DTWD1: variants seen among roughly 807,000 people sequenced by gnomAD.
DTWD1 encodes tRNA-uridine aminocarboxypropyltransferase 1.
Under a neutral mutation model 30.2 loss-of-function variants are expected in DTWD1, and 27 were observed. The observed-to-expected ratio is 0.90, with a 90% CI of 0.66 to 1.23. DTWD1 has a LOEUF of 1.23. Ranked by LOEUF, DTWD1 falls within the 50% of genes most tolerant of loss-of-function variation. DTWD1 has a pLI of 0.00. For synonymous variants in DTWD1, 99 were observed against 113.1 expected, an observed-to-expected ratio of 0.88 and a Z score of 0.79; for missense variants, 342 against 348.8, an observed-to-expected ratio of 0.98 and a Z score of 0.15.
Position 49,643,741 on chromosome 15 carries a change from T to C in DTWD1, c.*163T>C. ...TTCATATTTCTTGAAGGAAATTGTA[T>C]CTGGGGGAATTTTTCAGAGATACTG... is the stretch of plus-strand genomic sequence containing the variant. On this transcript the variant is annotated 3_prime_UTR_variant, in exon 5 of 5. Transcript: ENST00000403028. 1.4e-6 allele frequency: 1 copy of C among 734,546 alleles called. No homozygotes were observed. The highest frequency in any genetic ancestry group is 1.9e-6 in the Non-Finnish European group (1 of 514,430). The allele number at this position is 734,546 out of a possible 1,614,324, so 45.5% of individuals were successfully genotyped here.
At chr15:49,639,504 G>A (rs2079041043) in intron 4 of DTWD1, among the ~76,000 whole-genome samples, 2 of 152,152 alleles carry the variant, frequency 1.3e-5, no homozygotes, top group Admixed American at 6.5e-5. Context: ...CAAGGATGCG[G>A]TGAGCTATGC....
chr15:49,632,368 T>C (rs1464219139), intron 3 of DTWD1, 66 bp downstream of exon 3: 12 of 1,419,256 alleles, frequency 8.5e-6, no homozygotes, highest in African/African-American at 1.5e-5. Context: ...CTCCATTGCC[T>C]TTCTGAACTT....
At chr15:49,633,043 C>A (rs868590464) in intron 3 of DTWD1, among the ~76,000 whole-genome samples, 196 of 129,442 alleles carry the variant, frequency 1.5e-3, no homozygotes, top group Non-Finnish European at 2.6e-3. Flanking sequence ...CTATTTATAT[C>A]TATATCTATA....
At position 49,634,542 on chromosome 15, in the gene DTWD1, C is replaced by T; in HGVS notation, c.415C>T (p.Leu139Phe). 1.2e-6 allele frequency: 2 copies of T among 1,607,292 alleles called. No homozygotes were observed. Among genetic ancestry groups the T allele is most frequent in the South Asian group, 1.1e-5 (1 of 89,700 alleles). ...EYEEKDHEVA[L>F]IFPGPQSISI... ...CCAATTTTCTTTGTTTTAGGTTGCA[C>T]TCATTTTTCCTGGACCTCAGTCTAT... Residue 139 changes from leucine (L) to phenylalanine (F), a missense_variant, in exon 4 of 5, where the codon CTC becomes TTC. Physicochemically the swap from Leu to Phe is conservative, Grantham distance 22 (BLOSUM62 0). Transcript: ENST00000403028.
chr15:49,635,353 GAAT>G (rs1019272863), intron 4 of DTWD1, among the ~76,000 whole-genome samples: 11 of 151,980 alleles, frequency 7.2e-5, no homozygotes, highest in African/African-American at 2.7e-4. Context: ...CATTTTCTAA[GAAT>G]AAGAATATTC....
intron 1 of DTWD1, among the ~76,000 whole-genome samples, chr15:49,621,743 A>G (rs2078722135): frequency 6.6e-6 from 1 of 152,208 alleles, no homozygotes; most frequent in Non-Finnish European, 1.5e-5. Flanking sequence ...ATGAAAACGA[A>G]GGCAAGACAG....
chr15:49,645,531 G>C lies in DTWD1; in HGVS notation c.*1953G>C, dbSNP rs144460205. On this transcript the variant is annotated 3_prime_UTR_variant, in exon 5 of 5. Transcript: ENST00000403028. Reference sequence around the variant, plus strand: ...TTTTCATGTTTAGAACTTGGCCCTGGGAATAGAGGAAGGCTTGAATTGATT... The same window carrying C: ...TTTTCATGTTTAGAACTTGGCCCTGCGAATAGAGGAAGGCTTGAATTGATT... The C allele has an allele frequency of 1.8e-4, 27 of 152,060 alleles. No homozygotes were observed. The highest frequency in any genetic ancestry group is 5.8e-4 in the African/African-American group (24 of 41,464). The allele number at this position is 152,060 out of a possible 1,614,324, so 9.4% of individuals were successfully genotyped here.
chr15:49,629,653 C>T (rs562766116), intron 2 of DTWD1: 1 of 152,118 alleles, frequency 6.6e-6, no homozygotes, highest in East Asian at 1.9e-4. Flanking sequence ...GACCGAGCGT[C>T]ATGAGGAAAC....
At chr15:49,635,683 C>T (rs1238987188) in intron 4 of DTWD1, among the ~76,000 whole-genome samples, 4 of 149,900 alleles carry the variant, frequency 2.7e-5, no homozygotes, top group Admixed American at 6.7e-5. Context: ...TTCATAGAGA[C>T]GGGTTTCACC....
In DTWD1 at chr15:49,625,237, C is replaced by T. The variant is rs1438294767; in HGVS notation, c.70C>T (p.Gln24Ter). 4 of 1,613,232 alleles carry T rather than the reference C, an allele frequency of 2.5e-6. No individual in the cohort carries two copies. Among genetic ancestry groups the T allele is most frequent in the Admixed American group, 1.7e-5 (1 of 59,936 alleles). The change falls in exon 2 of 5, where the codon CAG (glutamine) becomes TAG (stop). Residue 24 changes from glutamine (Q) to a stop codon, truncating the protein, a stop_gained. Transcript: ENST00000403028. LOFTEE classifies it high-confidence loss of function. ...TAGTTCAAAATTTGTGGAAACAAAA[C>T]AGTCACAAACTACTTCCATAGCTTC... Reference protein sequence around the residue: ...ENSSKFVETKQSQTTSIASED... With the variant: ...ENSSKFVETK
intron 2 of DTWD1, among the ~76,000 whole-genome samples, chr15:49,630,543 T>C (rs2078905577): frequency 6.6e-6 from 1 of 152,188 alleles, no homozygotes; most frequent in Non-Finnish European, 1.5e-5. Context: ...TAATCATGGC[T>C]GAATGCAGTA....
At chr15:49,623,226 A>G (rs1004171890) in intron 1 of DTWD1, among the ~76,000 whole-genome samples, 1 of 152,132 alleles carries the variant, frequency 6.6e-6, no homozygotes, top group Admixed American at 6.5e-5. Context: ...ATCAAATTTC[A>G]TTTTTTAGGA....
chr15:49,631,988 G>A (rs1318344453), intron 2 of DTWD1, 171 bp from the exon 3 acceptor site: 2 of 684,400 alleles, frequency 2.9e-6, no homozygotes, highest in East Asian at 2.9e-5. Flanking sequence ...AAGAAATTTG[G>A]GTTGGTTTTG....
At chr15:49,630,409 G>A (rs72731116) in intron 2 of DTWD1, among the ~76,000 whole-genome samples, 8,252 of 152,244 alleles carry the variant, frequency 0.054, 321 homozygotes, top group East Asian at 0.13. Context: ...GCATGGGATG[G>A]GAACTTGGAG....
intron 1 of DTWD1, among the ~76,000 whole-genome samples, chr15:49,621,787 C>CCATT (rs1438193502): frequency 6.6e-6 from 1 of 152,052 alleles, no homozygotes; most frequent in African/African-American, 2.4e-5. Context: ...GTGGGAGAGG[C>CCATT]CATTGATCCT....
intron 1 of DTWD1, among the ~76,000 whole-genome samples, chr15:49,622,199 A>G (rs939318577): frequency 2.0e-5 from 3 of 152,178 alleles, no homozygotes; most frequent in Non-Finnish European, 4.4e-5. Flanking sequence ...GGAATAGGTG[A>G]GATCAGGGAA....
chr15:49,634,941 T>C lies in DTWD1; in HGVS notation c.667+147T>C, dbSNP rs1049078471. On this transcript the variant is annotated intron_variant, in intron 4 of 4. Transcript: ENST00000403028. ...TTTATTTCTCTCTTTTTATTATATA[T>C]GTGAGTGTGTATTTATATATTATAT... The C allele has an allele frequency of 7.5e-6, 5 of 667,044 alleles. No individual in the cohort carries two copies. In the African/African-American group the frequency reaches 7.6e-5, roughly 10 times the overall value. The allele number at this position is 667,044 out of a possible 1,614,324, so 41.3% of individuals were successfully genotyped here. A position where few individuals can be genotyped will look rare whatever the true frequency, so the allele number is the denominator to read the frequency against.
intron 4 of DTWD1, among the ~76,000 whole-genome samples, chr15:49,640,577 A>G (rs2079054498): frequency 6.6e-6 from 1 of 152,140 alleles, no homozygotes; most frequent in Non-Finnish European, 1.5e-5. Flanking sequence ...CCATTGATCC[A>G]TAATCTCTCC....
chr15:49,630,114 A>T (rs1382630208), intron 2 of DTWD1: 2 of 152,222 alleles, frequency 1.3e-5, no homozygotes, highest in East Asian at 1.9e-4. Context: ...GATTTCATTT[A>T]TATAAAATTC....
Sources: allele counts gnomAD v4.1 joint callset (sites outside exome capture counted in the v4.1 genomes callset), GRCh38; gene constraint gnomAD v4.1.1; transcripts MANE v1.5; gene names NCBI Gene and HGNC (gene_info 2026-07-23, HGNC 2026-07-21).